CDADC1: variants seen among roughly 807,000 people sequenced by gnomAD.
The protein encoded by CDADC1 is dCTP deaminase.
CDADC1 carries 39 observed loss-of-function variants against 54.9 expected under a neutral mutation model. The observed-to-expected ratio is 0.71, with a 90% CI of 0.55 to 0.93. The LOEUF (loss-of-function observed/expected upper bound fraction) is 0.93, where lower values mean the gene tolerates loss of function less well. CDADC1 is among the 40% of genes least tolerant of loss of function. The pLI, the probability that CDADC1 is intolerant of heterozygous loss-of-function variation, is 0.00. For missense variants in CDADC1, 518 were observed against 618.8 expected, an observed-to-expected ratio of 0.84 and a Z score of 1.73; for synonymous variants, 186 against 204.0, an observed-to-expected ratio of 0.91 and a Z score of 0.75.
At chr13:49,249,649 G>A (rs1197006144) in intron 2 of CDADC1, among the ~76,000 whole-genome samples, 3 of 152,044 alleles carry the variant, frequency 2.0e-5, no homozygotes, top group Non-Finnish European at 4.4e-5. Context: ...CATGAGAATC[G>A]CTTGAACGAA....
chr13:49,259,489 A>G lies in CDADC1; in HGVS notation c.396A>G (p.Lys132=). Reference sequence around the variant, plus strand: ...ACTGTGATCTTTATTTTTCCAGAAAACCATGTTCTGCTTGTTTGAAAATGA... The same window carrying G: ...ACTGTGATCTTTATTTTTCCAGAAAGCCATGTTCTGCTTGTTTGAAAATGA... The part of the protein sequence containing the change: ...LKNCDLYFSR[K]PCSACLKMIV... The change falls in exon 4 of 10, where the codon AAA becomes AAG. Residue 132 remains lysine, a synonymous_variant. Coordinates refer to ENST00000251108, the MANE Select transcript of CDADC1 (RefSeq NM_030911.4). 1 of 1,614,046 alleles carries G rather than the reference A, an allele frequency of 6.2e-7. No homozygotes were observed. Among genetic ancestry groups the G allele is most frequent in the Non-Finnish European group, 8.5e-7 (1 of 1,179,956 alleles).
intron 6 of CDADC1, among the ~76,000 whole-genome samples, chr13:49,275,820 G>A (rs1953116830): frequency 7.0e-6 from 1 of 143,000 alleles, no homozygotes; most frequent in Non-Finnish European, 1.5e-5. Flanking sequence ...CCAGGCTGGA[G>A]TGCAGTGGTG....
intron 6 of CDADC1, among the ~76,000 whole-genome samples, chr13:49,275,141 A>AG (rs1214352057): frequency 1.3e-5 from 2 of 148,590 alleles, no homozygotes; most frequent in African/African-American, 5.0e-5. Context: ...GCTGGAGTGC[A>AG]GTGGTGCAAT....
intron 8 of CDADC1, among the ~76,000 whole-genome samples, chr13:49,283,724 C>T (rs1158539863): frequency 6.6e-6 from 1 of 152,072 alleles, no homozygotes; most frequent in African/African-American, 2.4e-5. Flanking sequence ...AAGGAAGCAC[C>T]CAGTTGGGCC....
At chr13:49,277,261 A>G (rs1272533101) in intron 6 of CDADC1, among the ~76,000 whole-genome samples, 2 of 152,034 alleles carry the variant, frequency 1.3e-5, no homozygotes, top group Non-Finnish European at 2.9e-5. Flanking sequence ...CCTTGAGCCC[A>G]GGAGTCCAAG....
At chr13:49,248,236 A>T in intron 1 of CDADC1, 117 bp downstream of exon 1, 1 of 906,578 alleles carries the variant, frequency 1.1e-6, no homozygotes, top group Non-Finnish European at 1.7e-6. Context: ...CTGCTTTTGG[A>T]TGTCTCCTGC....
At chr13:49,275,712 TATATATATATATATAG>T (rs1953093883) in intron 6 of CDADC1, among the ~76,000 whole-genome samples, 1 of 89,994 alleles carries the variant, frequency 1.1e-5, no homozygotes, top group Non-Finnish European at 2.0e-5. Context: ...TATATATATA[TATATATATATATATAG>T]AGAGAGAGAG....
At chr13:49,280,385 CA>C (rs1953286062) in intron 7 of CDADC1, 123 bp from the exon 8 acceptor site, 2 of 435,758 alleles carry the variant, frequency 4.6e-6, no homozygotes, top group South Asian at 7.1e-5. Context: ...GCTTGATGAT[CA>C]TTATTAATAA....
At chr13:49,269,241 A>G (rs1593819088) in intron 5 of CDADC1, among the ~76,000 whole-genome samples, 2 of 62,156 alleles carry the variant, frequency 3.2e-5, no homozygotes, top group Admixed American at 1.6e-4. Flanking sequence ...CGCCATTGAA[A>G]CTTTTATAAA....
chr13:49,289,060 A>G (rs900045226), intron 9 of CDADC1, among the ~76,000 whole-genome samples: 1 of 151,908 alleles, frequency 6.6e-6, no homozygotes, highest in East Asian at 1.9e-4. Context: ...AAAGATGATT[A>G]AACTTATTAG....
At chr13:49,256,727 C>A (rs1952557216) in intron 3 of CDADC1, among the ~76,000 whole-genome samples, 1 of 152,180 alleles carries the variant, frequency 6.6e-6, no homozygotes, top group Non-Finnish European at 1.5e-5. Context: ...GGAGACTAAG[C>A]ATGTATGTTT....
intron 6 of CDADC1, among the ~76,000 whole-genome samples, chr13:49,275,087 C>CT (rs68165171): frequency 1.3e-3 from 176 of 137,958 alleles, no homozygotes; most frequent in East Asian, 9.4e-3. Context: ...GGTGAACATT[C>CT]TTTTTTTTTT....
chr13:49,292,958 G>A lies in CDADC1; in HGVS notation c.*1201G>A. The A allele has an allele frequency of 2.6e-6, 1 of 381,796 alleles. No individual in the cohort carries two copies. The highest frequency in any genetic ancestry group is 4.7e-6 in the Non-Finnish European group (1 of 211,180). The allele number at this position is 381,796 out of a possible 1,614,324, so 23.7% of individuals were successfully genotyped here. The stretch of plus-strand genomic sequence containing the variant: ...CAAACATTGGCTCCATGCCAGGGCT[G>A]TGACTGCAGCCTGTGTAGGACCATG... On this transcript the variant is annotated 3_prime_UTR_variant, in exon 10 of 10. Coordinates refer to ENST00000251108, the MANE Select transcript of CDADC1 (RefSeq NM_030911.4).
chr13:49,259,325 T>C (rs1370880994), intron 3 of CDADC1, 21 bp from the exon 4 acceptor site: 2 of 1,538,670 alleles, frequency 1.3e-6, no homozygotes, highest in Admixed American at 1.9e-5. Flanking sequence ...TAATAAGTTG[T>C]TATTTTATAT....
At chr13:49,263,366 AT>A (rs1272324601) in intron 4 of CDADC1, among the ~76,000 whole-genome samples, 1 of 152,048 alleles carries the variant, frequency 6.6e-6, no homozygotes, top group Non-Finnish European at 1.5e-5. Flanking sequence ...AATGAACGGG[AT>A]TTTTTTTAAT....
chr13:49,249,987 T>G (rs148499837), intron 2 of CDADC1, among the ~76,000 whole-genome samples: 2 of 152,260 alleles, frequency 1.3e-5, no homozygotes, highest in African/African-American at 2.4e-5. Context: ...TTAGGTTAAG[T>G]TGAGCATTTA....
intron 2 of CDADC1, among the ~76,000 whole-genome samples, chr13:49,250,011 AAC>A (rs1230112313): frequency 2.0e-5 from 3 of 152,160 alleles, no homozygotes; most frequent in Non-Finnish European, 4.4e-5. Context: ...CTTTTTTTAA[AAC>A]AGAGGTAAAA....
At chr13:49,275,722 TATATAGAGAGAGAGAGAG>T (rs1953105107) in intron 6 of CDADC1, among the ~76,000 whole-genome samples, 10 of 19,254 alleles carry the variant, frequency 5.2e-4, no homozygotes, top group South Asian at 2.8e-3. Flanking sequence ...TATATATATA[TATATAGAGAGAGAGAGAG>T]AGAGAGAGAG....
chr13:49,259,790 T>C (rs1952630314), intron 4 of CDADC1, among the ~76,000 whole-genome samples: 1 of 151,788 alleles, frequency 6.6e-6, no homozygotes, highest in Non-Finnish European at 1.5e-5. Flanking sequence ...AAGGATACAA[T>C]GACCCGTGAT....
Sources: allele counts gnomAD v4.1 joint callset (sites outside exome capture counted in the v4.1 genomes callset), GRCh38; gene constraint gnomAD v4.1.1; transcripts MANE v1.5; gene names NCBI Gene and HGNC (gene_info 2026-07-23, HGNC 2026-07-21).